The following ENTREP2 variants were observed in gnomAD, a reference collection of about 807,000 sequenced individuals.
ENTREP2 encodes the protein protein ENTREP2.
the ENTREP2 span, among the ~76,000 whole-genome samples, chr15:29,530,455 G>T: frequency 6.6e-6 from 1 of 152,084 alleles, no homozygotes; most frequent in South Asian, 2.1e-4. Context: ...TAACCTCCAG[G>T]AGTTTTCTCA....
chr15:29,262,120 G>A, the ENTREP2 span, among the ~76,000 whole-genome samples: 1 of 150,158 alleles, frequency 6.7e-6, no homozygotes, highest in Admixed American at 6.6e-5. Context: ...AATAATTCTG[G>A]GAGTACAAAA....
the ENTREP2 span, among the ~76,000 whole-genome samples, chr15:29,541,061 C>T: frequency 2.6e-5 from 4 of 152,194 alleles, no homozygotes; most frequent in East Asian, 1.9e-4. Context: ...TCTTTGTCAT[C>T]GCTATGGCTC....
At chr15:29,564,231 C>A in the ENTREP2 span, among the ~76,000 whole-genome samples, 1 of 152,346 alleles carries the variant, frequency 6.6e-6, no homozygotes, top group Non-Finnish European at 1.5e-5. Context: ...AAGTCCAGAA[C>A]CTTTGTAAAG....
chr15:29,655,999 G>A, the ENTREP2 span, among the ~76,000 whole-genome samples: 2 of 147,322 alleles, frequency 1.4e-5, no homozygotes, highest in East Asian at 2.0e-4. Context: ...ACTCCAGCCC[G>A]GGTGACAAAG....
At chr15:29,625,629 A>G in the ENTREP2 span, among the ~76,000 whole-genome samples, 3 of 151,956 alleles carry the variant, frequency 2.0e-5, no homozygotes, top group Admixed American at 6.6e-5. Flanking sequence ...CTCTGACCTC[A>G]AGTGATCCAC....
At chr15:29,562,422 C>T in the ENTREP2 span, among the ~76,000 whole-genome samples, 23 of 152,140 alleles carry the variant, frequency 1.5e-4, no homozygotes, top group Admixed American at 3.9e-4. Flanking sequence ...ACAGCTTTCT[C>T]CCAAAACACT....
chr15:29,339,373 C>T, the ENTREP2 span, among the ~76,000 whole-genome samples: 1 of 152,170 alleles, frequency 6.6e-6, no homozygotes, highest in Non-Finnish European at 1.5e-5. Context: ...GGAGATGGAA[C>T]AGGTAACCAG....
At chr15:29,612,689 A>G in the ENTREP2 span, 6 of 153,874 alleles carry the variant, frequency 3.9e-5, no homozygotes, top group African/African-American at 1.4e-4. Context: ...AGGGACCACG[A>G]TCTGTAGCTG....
the ENTREP2 span, among the ~76,000 whole-genome samples, chr15:29,498,175 T>C: frequency 6.6e-6 from 1 of 152,140 alleles, no homozygotes; most frequent in African/African-American, 2.4e-5. Context: ...TGTTTCCCCT[T>C]CACCTTCTGC....
At chr15:29,458,516 G>C in the ENTREP2 span, among the ~76,000 whole-genome samples, 1 of 151,994 alleles carries the variant, frequency 6.6e-6, no homozygotes, top group Non-Finnish European at 1.5e-5. Context: ...AATCCCTCCA[G>C]CTCTTCTCAA....
chr15:29,418,285 T>G, the ENTREP2 span, among the ~76,000 whole-genome samples: 2 of 152,212 alleles, frequency 1.3e-5, no homozygotes, highest in African/African-American at 4.8e-5. Flanking sequence ...AAGGGCTTTA[T>G]CCAGATATCT....
chr15:29,159,879 A>G, the ENTREP2 span, among the ~76,000 whole-genome samples: 1 of 152,226 alleles, frequency 6.6e-6, no homozygotes, highest in Non-Finnish European at 1.5e-5. Flanking sequence ...CACCCGGTGG[A>G]TCCCGCAGGT....
the ENTREP2 span, among the ~76,000 whole-genome samples, chr15:29,554,351 T>G: frequency 0.5 from 66,211 of 131,198 alleles, 16,068 homozygotes; most frequent in African/African-American, 0.69. Context: ...GTGAGGAAGG[T>G]AAGGAAGGAA....
chr15:29,460,871 A>T, the ENTREP2 span, among the ~76,000 whole-genome samples: 1 of 152,204 alleles, frequency 6.6e-6, no homozygotes, highest in East Asian at 1.9e-4. Context: ...GGTGGTGTGA[A>T]TAAAACCTAG....
the ENTREP2 span, among the ~76,000 whole-genome samples, chr15:29,248,463 A>G: frequency 6.6e-6 from 1 of 152,200 alleles, no homozygotes; most frequent in African/African-American, 2.4e-5. Flanking sequence ...ATTCAAAACT[A>G]TAATATATAA....
the ENTREP2 span, among the ~76,000 whole-genome samples, chr15:29,272,431 G>A: frequency 0.44 from 67,455 of 152,014 alleles, 17,955 homozygotes; most frequent in African/African-American, 0.75. Context: ...GAAAATATTA[G>A]GATATTTTCA....
chr15:29,254,855 C>G, the ENTREP2 span, among the ~76,000 whole-genome samples: 1 of 152,168 alleles, frequency 6.6e-6, no homozygotes, highest in Non-Finnish European at 1.5e-5. Flanking sequence ...AACAAACAAA[C>G]AAACAAACCA....
chr15:29,182,995 T>C, the ENTREP2 span, among the ~76,000 whole-genome samples: 7 of 152,130 alleles, frequency 4.6e-5, no homozygotes, highest in African/African-American at 1.7e-4. Flanking sequence ...GAGCTCAGTG[T>C]GAGAGGCAAA....
chr15:29,316,694 T>A, the ENTREP2 span, among the ~76,000 whole-genome samples: 1 of 152,192 alleles, frequency 6.6e-6, no homozygotes, highest in South Asian at 2.1e-4. Flanking sequence ...GTCATTCTCT[T>A]TACTTGTGTA....
Sources: allele counts gnomAD v4.1 joint callset (sites outside exome capture counted in the v4.1 genomes callset), GRCh38; gene constraint gnomAD v4.1.1; transcripts MANE v1.5; gene names NCBI Gene and HGNC (gene_info 2026-07-23, HGNC 2026-07-21).